SLU7: variants seen among roughly 807,000 people sequenced by gnomAD.
SLU7 encodes pre-mRNA-splicing factor SLU7.
SLU7 carries 60 observed loss-of-function variants against 87.0 expected under a neutral mutation model. The ratio of observed to expected loss-of-function variants is 0.69; its 90% CI spans 0.56 to 0.86. The LOEUF (loss-of-function observed/expected upper bound fraction) is 0.86, where lower values mean the gene tolerates loss of function less well. Among genes scored for constraint, SLU7 ranks in the 40% least tolerant of loss-of-function variants. The probability of loss-of-function intolerance (pLI) is 0.00; values close to 1 mark genes in which losing one functional copy is unlikely to be tolerated. For missense variants in SLU7, 507 were observed against 686.6 expected, an observed-to-expected ratio of 0.74 and a Z score of 2.92; for synonymous variants, 197 against 222.0, an observed-to-expected ratio of 0.89 and a Z score of 1.00.
Position 160,415,261 on chromosome 5 carries a change from C to T in SLU7, c.34G>A (p.Ala12Thr), listed in dbSNP as rs1451866818. The T allele has an allele frequency of 6.2e-7, 1 of 1,607,938 alleles. No individual in the cohort carries two copies. Among genetic ancestry groups the T allele is most frequent in the Admixed American group, 1.7e-5 (1 of 58,742 alleles). Residue 12 changes from alanine to threonine, a missense_variant, in exon 2 of 16, where the codon GCA becomes ACA. By Grantham distance (58) the Ala-to-Thr change is moderately conservative (BLOSUM62 0). Around this residue, in one of 6 missense-constraint regions of SLU7, gnomAD observed 33 missense variants for 37.3 expected, o/e 0.88. Coordinates refer to ENST00000297151, the MANE Select transcript of SLU7 (RefSeq NM_006425.5). ...SATVVDAVNA[A>T]PLSGSKEMSL... is the part of the protein sequence containing the mutation. ...ATTTCTTTGGACCCCGATAGGGGTG[C>T]AGCATTAACTGCATCTACAACTGTG...
chr5:160,408,877 A>AT (rs1765122369), intron 6 of SLU7, among the ~76,000 whole-genome samples, 180 bp from the exon 7 acceptor site: 7 of 142,810 alleles, frequency 4.9e-5, no homozygotes, highest in Admixed American at 1.4e-4. Flanking sequence ...TATAATATAT[A>AT]ATATGTAACT....
chr5:160,404,623 G>T (rs1420022174), intron 14 of SLU7, 67 bp from the exon 15 acceptor site: 2 of 1,100,436 alleles, frequency 1.8e-6, no homozygotes, highest in South Asian at 1.3e-5. Flanking sequence ...CTACTTGGGC[G>T]GCTGAGGCAC....
rs1328587093 is a variant in SLU7 at position 160,405,153 on chromosome 5, A to T, written c.1288-18T>A. 2 of 1,536,052 alleles carry T rather than the reference A, an allele frequency of 1.3e-6. No homozygotes were observed. Among genetic ancestry groups the T allele is most frequent in the Non-Finnish European group, 1.8e-6 (2 of 1,112,894 alleles). ...CAGATATGCTGCAGAGAGAGAAATT[A>T]AAAAGCTTAAAAAGGAAGCTGAAAT... On this transcript the variant is annotated intron_variant, in intron 12 of 15. Coordinates refer to ENST00000297151, the MANE Select transcript of SLU7 (RefSeq NM_006425.5).
intron 12 of SLU7, chr5:160,406,243 G>A (rs182918392): frequency 7.6e-4 from 286 of 375,730 alleles, no homozygotes; most frequent in Non-Finnish European, 1.2e-3. Context: ...AAGCATATAA[G>A]GCAATATGTT....
rs1299457785 is a variant in SLU7, at chr5:160,406,451, T to TC, written c.1287+16dup. ...AAAACCAACAAGGACACAAAATTGTTCCAGTTTAGCACATACTGTGTGATT... is the reference window on the plus strand; with the variant it reads ...AAAACCAACAAGGACACAAAATTGTTCCCAGTTTAGCACATACTGTGTGATT... On this transcript the variant is annotated intron_variant, in intron 12 of 15. Coordinates refer to ENST00000297151, the MANE Select transcript of SLU7 (RefSeq NM_006425.5). 1 of 1,563,300 alleles carries TC rather than the reference T, an allele frequency of 6.4e-7. No individual in the cohort carries two copies. Among genetic ancestry groups the TC allele is most frequent in the African/African-American group, 1.4e-5 (1 of 71,674 alleles).
At position 160,413,892 on chromosome 5, in the gene SLU7, A is replaced by G; in HGVS notation, c.405+7T>C. The G allele has an allele frequency of 6.3e-7, 1 of 1,578,260 alleles. No individual in the cohort carries two copies. Among genetic ancestry groups the G allele is most frequent in the Non-Finnish European group, 8.6e-7 (1 of 1,164,746 alleles). On this transcript the variant is annotated splice_region_variant and intron_variant, in intron 4 of 15. Transcript: ENST00000297151. Reference sequence around the variant, plus strand: ...ACGGTTTTCAAAATTTTCAAAGGTGAACTTACCTCAAAGCAGTCTTTCTTT... The same window carrying G: ...ACGGTTTTCAAAATTTTCAAAGGTGGACTTACCTCAAAGCAGTCTTTCTTT...
intron 14 of SLU7, 69 bp downstream of exon 14, chr5:160,404,740 A>C: frequency 1.8e-6 from 2 of 1,113,696 alleles, no homozygotes; most frequent in South Asian, 1.4e-5. Flanking sequence ...AAAAAAAAAA[A>C]CTCAGGTGCA....
intron 12 of SLU7, among the ~76,000 whole-genome samples, chr5:160,405,449 G>A (rs1229873555): frequency 6.6e-6 from 1 of 152,224 alleles, no homozygotes; most frequent in Non-Finnish European, 1.5e-5. Flanking sequence ...AGCTGTTGCT[G>A]AACAGTGGAT....
At position 160,401,886 on chromosome 5, in the gene SLU7, G is replaced by A. The variant is rs530714473; in HGVS notation, c.*1399C>T. 2 of 152,318 alleles carry A rather than the reference G, an allele frequency of 1.3e-5. No homozygotes were observed. Among genetic ancestry groups the A allele is most frequent in the South Asian group, 4.1e-4 (2 of 4,830 alleles). 9.4% of individuals were successfully genotyped at this position (152,318 alleles called of 1,614,324 possible). Reference sequence around the variant, plus strand: ...CTCAGTTACTCACACCACTGTTTCTGAGATGCTGACTTAATGCAGTATCCT... The same window carrying A: ...CTCAGTTACTCACACCACTGTTTCTAAGATGCTGACTTAATGCAGTATCCT... On this transcript the variant is annotated 3_prime_UTR_variant, in exon 16 of 16. Transcript: ENST00000297151.
chr5:160,417,786 C>T (rs1031549074), intron 1 of SLU7, among the ~76,000 whole-genome samples: 2 of 90,460 alleles, frequency 2.2e-5, no homozygotes, highest in Admixed American at 2.4e-4. Context: ...AGCTAGACTA[C>T]GTCTCAAAAA....
In SLU7 at chr5:160,404,439, C is replaced by T. The variant is rs372929147; in HGVS notation, c.1581+1G>A. 25 of 1,543,020 alleles carry T rather than the reference C, an allele frequency of 1.6e-5. No homozygotes were observed. Among genetic ancestry groups the T allele is most frequent in the East Asian group, 2.2e-5 (1 of 44,584 alleles). ...TTTACTATTTAGACTTCACAAATTA[C>T]CTTTTTCAATTTTTCATGCTTCTTT... is the stretch of plus-strand genomic sequence containing the variant. On this transcript the variant is annotated splice_donor_variant, in intron 15 of 15. Transcript: ENST00000297151. LOFTEE classifies it high-confidence loss of function.
rs1472872877 is a variant in SLU7 at position 160,414,309 on chromosome 5, G to A, written c.324+10C>T. ...ATATCCATGAAGATGTATACAGGTT[G>A]CCTACATACCTCTTTTACACCCCTC... On this transcript the variant is annotated intron_variant, in intron 3 of 15. Transcript: ENST00000297151. 4 of 1,583,798 alleles carry A rather than the reference G, an allele frequency of 2.5e-6. No homozygotes were observed. Among genetic ancestry groups the A allele is most frequent in the Admixed American group, 1.9e-5 (1 of 53,380 alleles).
intron 1 of SLU7, 149 bp from the exon 2 acceptor site, chr5:160,415,459 A>T (rs946032082): frequency 6.7e-5 from 32 of 479,024 alleles, no homozygotes; most frequent in South Asian, 1.1e-4. Flanking sequence ...CCCCTCCTCA[A>T]GGTCTCTACA....
intron 6 of SLU7, among the ~76,000 whole-genome samples, chr5:160,408,950 TTATA>T (rs1179524471): frequency 1.3e-5 from 2 of 150,330 alleles, no homozygotes; most frequent in African/African-American, 4.9e-5. Flanking sequence ...CACTTCTCAG[TTATA>T]ATGAGCGCAA....
rs1423776808 is a variant in SLU7 at position 160,406,619 on chromosome 5, T to C, written c.1136A>G (p.Gln379Arg). Residue 379 changes from glutamine (Q) to arginine (R), a missense_variant, in exon 12 of 16, where the codon CAA becomes CGA. Transcript: ENST00000297151. ...AGCTGGAGGGGCATCCAAATGTTCT[T>C]GGCCACCATACTAAAAGGACATTGG... ...KESILEKYGG[Q>R]EHLDAPPAEL... 2 of 1,606,578 alleles carry C rather than the reference T, an allele frequency of 1.2e-6. No individual in the cohort carries two copies. The highest frequency in any genetic ancestry group is 8.5e-7 in the Non-Finnish European group (1 of 1,177,326).
intron 1 of SLU7, chr5:160,417,086 G>A (rs1765487977): frequency 1.3e-5 from 2 of 152,182 alleles, no homozygotes. Context: ...CCAGCCACGT[G>A]GAACTGTTAA....
chr5:160,406,803 T>C (rs1561556164), intron 11 of SLU7, among the ~76,000 whole-genome samples, 174 bp from the exon 12 acceptor site: 1 of 152,202 alleles, frequency 6.6e-6, no homozygotes, highest in Non-Finnish European at 1.5e-5. Flanking sequence ...AAATAGAAGA[T>C]GTCTCAGTTG....
rs770711669 is a variant in SLU7, at chr5:160,415,093, T to C, written c.170+32A>G. The C allele has an allele frequency of 8.5e-6, 13 of 1,520,750 alleles. No homozygotes were observed. In the East Asian group the frequency reaches 3.1e-4, roughly 36 times the overall value. 94.2% of individuals were successfully genotyped at this position (1,520,750 alleles called of 1,614,324 possible). On this transcript the variant is annotated intron_variant, in intron 2 of 15. Coordinates refer to ENST00000297151, the MANE Select transcript of SLU7 (RefSeq NM_006425.5). ...AGTAGACATGAATTTGAATTCTGAA[T>C]GAATGGATCATACAAAAAATTAAGT...
At position 160,402,489 on chromosome 5, in the gene SLU7, C is replaced by T. The variant is rs949640081; in HGVS notation, c.*796G>A. The T allele has an allele frequency of 2.0e-5, 3 of 152,038 alleles. No homozygotes were observed. Among genetic ancestry groups the T allele is most frequent in the African/African-American group, 7.2e-5 (3 of 41,394 alleles). 9.4% of individuals were successfully genotyped at this position (152,038 alleles called of 1,614,324 possible). ...TCTGTGAAAAGCCACTGCTCTCTAGCCTGGGCAACATAGCAAGATCCTGTC... is the reference window on the plus strand; with the variant it reads ...TCTGTGAAAAGCCACTGCTCTCTAGTCTGGGCAACATAGCAAGATCCTGTC... On this transcript the variant is annotated 3_prime_UTR_variant, in exon 16 of 16. Transcript: ENST00000297151.
Sources: allele counts gnomAD v4.1 joint callset (sites outside exome capture counted in the v4.1 genomes callset), GRCh38; gene constraint gnomAD v4.1.1; regional missense constraint gnomAD v4.1.1; transcripts MANE v1.5; gene names NCBI Gene and HGNC (gene_info 2026-07-23, HGNC 2026-07-21).